Variants in EVL observed in about 807,000 individuals in gnomAD.
EVL encodes ena/VASP-like protein.
Under a neutral mutation model 59.6 loss-of-function variants are expected in EVL, and 21 were observed. That is an observed-to-expected ratio of 0.35 (90% CI 0.25 to 0.51). EVL has a LOEUF of 0.51. Ranked by LOEUF, EVL falls within the 20% of genes least tolerant of loss-of-function variation. The pLI, the probability that EVL is intolerant of heterozygous loss-of-function variation, is 0.97. For missense variants in EVL, 462 were observed against 546.6 expected, an observed-to-expected ratio of 0.85 and a Z score of 1.54; for synonymous variants, 198 against 203.5, an observed-to-expected ratio of 0.97 and a Z score of 0.23.
At chr14:100,049,488 G>A (rs2061611319) in intron 1 of EVL, among the ~76,000 whole-genome samples, 1 of 152,198 alleles carries the variant, frequency 6.6e-6, no homozygotes, top group Non-Finnish European at 1.5e-5. Flanking sequence ...CCTGGATGCA[G>A]TCCTTTATAC....
intron 1 of EVL, among the ~76,000 whole-genome samples, chr14:100,083,387 A>G (rs1453233742): frequency 6.6e-6 from 1 of 151,646 alleles, no homozygotes; most frequent in Non-Finnish European, 1.5e-5. Context: ...TTTTTTCTGG[A>G]GACAGTCTTA....
intron 3 of EVL, among the ~76,000 whole-genome samples, chr14:100,102,044 G>T (rs1396575708): frequency 6.6e-6 from 1 of 152,056 alleles, no homozygotes; most frequent in Non-Finnish European, 1.5e-5. Flanking sequence ...CACCATGTTG[G>T]CCAGGCCAGT....
intron 1 of EVL, among the ~76,000 whole-genome samples, chr14:100,051,015 G>A (rs1236561061): frequency 6.6e-6 from 1 of 151,906 alleles, no homozygotes; most frequent in East Asian, 1.9e-4. Flanking sequence ...CCAAAGTTCT[G>A]GGATTACAGG....
At chr14:100,141,863 G>T (rs1889190216) in intron 13 of EVL, 70 bp downstream of exon 13, 4 of 1,467,054 alleles carry the variant, frequency 2.7e-6, no homozygotes, top group Middle Eastern at 2.2e-4. Flanking sequence ...TGTCACCCAG[G>T]CTGGGGGCCT....
intron 1 of EVL, among the ~76,000 whole-genome samples, chr14:99,975,500 A>C (rs1595534923): frequency 6.6e-6 from 1 of 152,282 alleles, no homozygotes; most frequent in East Asian, 1.9e-4. Context: ...CCAGCAGTTC[A>C]CAACTTTTTT....
intron 1 of EVL, among the ~76,000 whole-genome samples, chr14:100,025,413 G>A (rs1031400542): frequency 5.9e-5 from 9 of 152,256 alleles, no homozygotes; most frequent in Admixed American, 5.2e-4. Flanking sequence ...AGGTGGCCAC[G>A]TGGCTTATGC....
At chr14:100,143,463 G>T (rs1316641991) in intron 13 of EVL, among the ~76,000 whole-genome samples, 1 of 152,160 alleles carries the variant, frequency 6.6e-6, no homozygotes, top group African/African-American at 2.4e-5. Flanking sequence ...CTGTCCCTAC[G>T]CCAGGTCCTC....
In EVL at chr14:100,128,671, G is replaced by T; in HGVS notation, c.640G>T (p.Gly214Trp). 1 of 1,574,844 alleles carries T rather than the reference G, an allele frequency of 6.3e-7. No individual in the cohort carries two copies. The highest frequency in any genetic ancestry group is 1.4e-5 in the African/African-American group (1 of 73,246). Residue 214 changes from glycine (G) to tryptophan (W), a missense_variant, in exon 6 of 14, where the codon GGG becomes TGG. Transcript: ENST00000392920. ...PPPLPAGGAQ[G>W]SSHDESSMSG... ...CCCACTGCCAGCCGGAGGAGCCCAG[G>T]GGTCCAGCCACGACGAGAGCTCCAT... is the stretch of plus-strand genomic sequence containing the variant.
intron 5 of EVL, 41 bp from the exon 6 acceptor site, chr14:100,128,478 C>G: frequency 6.2e-7 from 1 of 1,607,510 alleles, no homozygotes; most frequent in Non-Finnish European, 8.5e-7. Context: ...TGGCCCCCAG[C>G]TGGGTGCTGG....
At position 99,995,401 on chromosome 14, in the gene EVL, A is replaced by G. The variant is rs376197644; in HGVS notation, c.5+23344A>G. On this transcript the variant is annotated intron_variant, in intron 1 of 13. Transcript: ENST00000402714. Reference sequence around the variant, plus strand: ...AGTTCGGTGGTTCTGTCCTCTGCCTAGTTAAGTGCTTTTGAACCCCTCTAG... The same window carrying G: ...AGTTCGGTGGTTCTGTCCTCTGCCTGGTTAAGTGCTTTTGAACCCCTCTAG... Among the ~76,000 whole-genome samples the G allele has an allele frequency of 2.6e-5, 4 of 152,250 alleles. No individual in the cohort carries two copies. In the East Asian group the frequency reaches 7.7e-4, roughly 29 times the overall value.
Position 100,129,704 on chromosome 14 carries a change from G to C in EVL, c.839+20G>C, listed in dbSNP as rs200011657. 3 of 1,536,436 alleles carry C rather than the reference G, an allele frequency of 2.0e-6. No individual in the cohort carries two copies. The highest frequency in any genetic ancestry group is 1.4e-5 in the African/African-American group (1 of 72,808). Reference sequence around the variant, plus strand: ...CAAGAGGTGGGTCTCTACACCTCCCGAGACTTGGTGTGCCTAGCAGGAAGC... The same window carrying C: ...CAAGAGGTGGGTCTCTACACCTCCCCAGACTTGGTGTGCCTAGCAGGAAGC... On this transcript the variant is annotated intron_variant, in intron 7 of 13. Transcript: ENST00000392920.
intron 1 of EVL, among the ~76,000 whole-genome samples, chr14:100,058,191 C>G (rs2061764770): frequency 6.6e-6 from 1 of 152,182 alleles, no homozygotes; most frequent in South Asian, 2.1e-4. Context: ...TAGTATAGCT[C>G]TGTGATTTAT....
In EVL at chr14:100,136,586, C is replaced by T. The variant is rs114801731; in HGVS notation, c.964+618C>T. On this transcript the variant is annotated intron_variant, in intron 9 of 13. Transcript: ENST00000392920. ...GCCAGGCCTGTGCTCATGAGCACAG[C>T]GAGGAGAGACAGGGGCATCAGGCTG... Among the ~76,000 whole-genome samples, 1,394 of 152,148 alleles carry T rather than the reference C, an allele frequency of 9.2e-3. 19 individuals carry two copies. Among genetic ancestry groups the T allele is most frequent in the African/African-American group, 0.029 (1,187 of 41,474 alleles).
chr14:100,106,621 G>C, intron 3 of EVL: 1 of 388,366 alleles, frequency 2.6e-6, no homozygotes, highest in Non-Finnish European at 4.5e-6. Flanking sequence ...AATTTAGGTA[G>C]GTAGGTTATG....
intron 3 of EVL, among the ~76,000 whole-genome samples, chr14:100,122,759 G>A (rs1887779922): frequency 6.6e-6 from 1 of 152,242 alleles, no homozygotes; most frequent in Non-Finnish European, 1.5e-5. Context: ...TTCTTAGGTG[G>A]CGGCAGAAGC....
intron 1 of EVL, among the ~76,000 whole-genome samples, chr14:100,011,245 A>T (rs1595561387): frequency 1.3e-5 from 2 of 152,226 alleles, no homozygotes; most frequent in East Asian, 3.8e-4. Flanking sequence ...ACTCAAAAGC[A>T]TTTGTTTGGA....
chr14:100,045,495 G>A (rs186799735), intron 1 of EVL, among the ~76,000 whole-genome samples: 8 of 152,186 alleles, frequency 5.3e-5, no homozygotes, highest in African/African-American at 1.4e-4. Context: ...GAACTCTCTC[G>A]TGTAGGTCAC....
intron 2 of EVL, 144 bp from the exon 3 acceptor site, chr14:100,097,337 C>A: frequency 1.5e-6 from 1 of 679,742 alleles, no homozygotes; most frequent in Non-Finnish European, 2.4e-6. Flanking sequence ...TGAAAGTCTA[C>A]CTGATATTGC....
intron 3 of EVL, among the ~76,000 whole-genome samples, chr14:100,102,953 T>C (rs1244301029): frequency 6.6e-6 from 1 of 151,890 alleles, no homozygotes; most frequent in Non-Finnish European, 1.5e-5. Flanking sequence ...AATACAAAAA[T>C]TAGCTGGGCT....
Sources: gnomAD v4.1 joint callset for allele counts (sites outside exome capture counted in the v4.1 genomes callset) on GRCh38, gnomAD v4.1.1 for gene constraint, MANE v1.5 for transcripts, NCBI Gene and HGNC (gene_info 2026-07-23, HGNC 2026-07-21) for gene names.